ERO1A: variants seen among roughly 807,000 people sequenced by gnomAD.
ERO1A encodes endoplasmic reticulum oxidoreductase 1 alpha.
Under a neutral mutation model 76.9 loss-of-function variants are expected in ERO1A, and 49 were observed. The ratio of observed to expected loss-of-function variants is 0.64; its 90% confidence interval spans 0.51 to 0.81. The LOEUF (loss-of-function observed/expected upper bound fraction) is 0.81, where lower values mean the gene tolerates loss of function less well. Among genes scored for constraint, ERO1A ranks in the 30% least tolerant of loss-of-function variants. ERO1A has a pLI of 0.00. For synonymous variants in ERO1A, 174 were observed against 181.2 expected, an observed-to-expected ratio of 0.96 and a Z score of 0.32; for missense variants, 448 against 542.1, an observed-to-expected ratio of 0.83 and a Z score of 1.72.
At chr14:52,693,753 C>G (rs555055996) in intron 1 of ERO1A, among the ~76,000 whole-genome samples, 1 of 152,080 alleles carries the variant, frequency 6.6e-6, no homozygotes, top group South Asian at 2.1e-4. Flanking sequence ...CCACCTCAGC[C>G]TCCCAAAGTG....
intron 15 of ERO1A, among the ~76,000 whole-genome samples, chr14:52,644,111 G>A (rs2039563771): frequency 6.6e-6 from 1 of 152,128 alleles, no homozygotes; most frequent in Non-Finnish European, 1.5e-5. Flanking sequence ...CTGCACTCCA[G>A]CCTGGGCAAC....
intron 3 of ERO1A, among the ~76,000 whole-genome samples, chr14:52,680,082 C>CAAAAAAAA (rs35358193): frequency 4.4e-5 from 4 of 90,910 alleles, no homozygotes; most frequent in South Asian, 3.6e-4. Flanking sequence ...AAAACACAAA[C>CAAAAAAAA]AAAAAAAAAA....
At chr14:52,665,224 C>T (rs1484384289) in intron 7 of ERO1A, among the ~76,000 whole-genome samples, 1 of 150,574 alleles carries the variant, frequency 6.6e-6, no homozygotes, top group Non-Finnish European at 1.5e-5. Flanking sequence ...ATCGCTTGAA[C>T]CTGGGAGGCA....
At chr14:52,689,804 C>T (rs1017730521) in intron 1 of ERO1A, among the ~76,000 whole-genome samples, 3 of 152,100 alleles carry the variant, frequency 2.0e-5, no homozygotes, top group Non-Finnish European at 2.9e-5. Flanking sequence ...TTGGATGGAA[C>T]AGCAAAAGAC....
At chr14:52,668,088 G>A (rs2040472103) in intron 6 of ERO1A, among the ~76,000 whole-genome samples, 1 of 151,972 alleles carries the variant, frequency 6.6e-6, no homozygotes, top group Non-Finnish European at 1.5e-5. Context: ...TGCAGAAGTG[G>A]CAATTAAAAT....
intron 2 of ERO1A, among the ~76,000 whole-genome samples, chr14:52,683,072 G>C (rs1385078558): frequency 6.6e-6 from 1 of 152,144 alleles, no homozygotes; most frequent in African/African-American, 2.4e-5. Context: ...GCCAGGTGTG[G>C]TGGCAGGTGC....
rs751583463 is a variant in ERO1A at position 52,678,425 on chromosome 14, C to T, written c.357+9G>A. On this transcript the variant is annotated intron_variant, in intron 4 of 15. Transcript: ENST00000395686. ...GATACTGGACACATCAATAGGTATACGTACACACCTTGTAGCTCGCAGATT... is the reference window on the plus strand; with the variant it reads ...GATACTGGACACATCAATAGGTATATGTACACACCTTGTAGCTCGCAGATT... The T allele has an allele frequency of 1.4e-5, 23 of 1,611,730 alleles. No individual in the cohort carries two copies. Among genetic ancestry groups the T allele is most frequent in the East Asian group, 2.2e-5 (1 of 44,822 alleles).
chr14:52,690,552 C>G lies in ERO1A; in HGVS notation c.114+4816G>C, dbSNP rs141093949. ...GGTCAGGAGTTCAAAATCAGCCTGGCCAACAGGGCAAGGTGGCGGGTGCCT... is the reference window on the plus strand; with the variant it reads ...GGTCAGGAGTTCAAAATCAGCCTGGGCAACAGGGCAAGGTGGCGGGTGCCT... On this transcript the variant is annotated intron_variant, in intron 1 of 15. Transcript: ENST00000395686. Among the ~76,000 whole-genome samples the G allele has an allele frequency of 2.5e-3, 385 of 152,158 alleles. 2 individuals are homozygous for G. Among genetic ancestry groups the G allele is most frequent in the African/African-American group, 8.9e-3 (370 of 41,552 alleles).
Position 52,653,179 on chromosome 14 carries a change from TAAAGCC to T in ERO1A, c.939_944del (p.Ala314_Leu315del), listed in dbSNP as rs1303845932. The T allele has an allele frequency of 6.2e-7, 1 of 1,613,732 alleles. No individual in the cohort carries two copies. The highest frequency in any genetic ancestry group is 1.7e-5 in the Admixed American group (1 of 60,000). On this transcript the variant is annotated inframe_deletion, in exon 12 of 16. Transcript: ENST00000395686. Reference sequence around the variant, plus strand: ...GCTCGAAGAATGGTAACACTTTGGATAAAGCCCTTAGTTCTATTAAGTAGAGAAAAT... The same window carrying T: ...GCTCGAAGAATGGTAACACTTTGGATCTTAGTTCTATTAAGTAGAGAAAAT...
chr14:52,656,526 C>T (rs1423037926), intron 11 of ERO1A, among the ~76,000 whole-genome samples: 1 of 151,946 alleles, frequency 6.6e-6, no homozygotes, highest in Admixed American at 6.6e-5. Context: ...GCCTGGCCAA[C>T]ATGGTGAAAC....
At chr14:52,689,804 C>G (rs1017730521) in intron 1 of ERO1A, among the ~76,000 whole-genome samples, 12 of 152,218 alleles carry the variant, frequency 7.9e-5, no homozygotes, top group African/African-American at 2.6e-4. Context: ...TTGGATGGAA[C>G]AGCAAAAGAC....
chr14:52,645,601 T>C (rs959474637), intron 15 of ERO1A, among the ~76,000 whole-genome samples: 2 of 151,972 alleles, frequency 1.3e-5, no homozygotes, highest in East Asian at 1.9e-4. Flanking sequence ...ATTATGATTA[T>C]AAAAGTCAAT....
intron 8 of ERO1A, 159 bp downstream of exon 8, chr14:52,663,642 T>G (rs1309778047): frequency 2.2e-6 from 1 of 449,594 alleles, no homozygotes; most frequent in Non-Finnish European, 4.1e-6. Context: ...ACAAATAATT[T>G]AAGCACCAAT....
intron 1 of ERO1A, 51 bp from the exon 2 acceptor site, chr14:52,683,958 G>C (rs374288749): frequency 6.2e-6 from 9 of 1,455,966 alleles, no homozygotes; most frequent in Non-Finnish European, 7.4e-6. Context: ...AATGCAACAG[G>C]GTTCTTTTTC....
At chr14:52,645,805 A>C (rs2039629800) in intron 15 of ERO1A, among the ~76,000 whole-genome samples, 2 of 151,006 alleles carry the variant, frequency 1.3e-5, no homozygotes, top group African/African-American at 4.9e-5. Flanking sequence ...GGAGTTCAAG[A>C]CCAGCCTGGC....
At position 52,641,330 on chromosome 14, in the gene ERO1A, G is replaced by A. The variant is rs1354247696; in HGVS notation, c.*2240C>T. ...GCTAAAAAAAAAAGAGGCCGGGCGT[G>A]GTGGCTCACGCCTGTAATCCCAGCA... On this transcript the variant is annotated 3_prime_UTR_variant, in exon 16 of 16. Transcript: ENST00000395686. 1 of 151,702 alleles carries A rather than the reference G, an allele frequency of 6.6e-6. No individual in the cohort carries two copies. Among genetic ancestry groups the A allele is most frequent in the African/African-American group, 2.4e-5 (1 of 41,254 alleles). 9.4% of individuals were successfully genotyped at this position (151,702 alleles called of 1,614,324 possible).
chr14:52,676,284 G>A (rs1202006477), intron 4 of ERO1A, among the ~76,000 whole-genome samples: 1 of 152,134 alleles, frequency 6.6e-6, no homozygotes. Flanking sequence ...TAACTACACA[G>A]TTATCAATTT....
chr14:52,666,925 C>T (rs1049854148), intron 6 of ERO1A, among the ~76,000 whole-genome samples: 15 of 152,140 alleles, frequency 9.9e-5, no homozygotes, highest in South Asian at 2.1e-4. Flanking sequence ...AGCGAGACTC[C>T]GTCTCAGAAA....
chr14:52,657,703 C>A (rs1397913617), intron 11 of ERO1A, among the ~76,000 whole-genome samples: 1 of 152,154 alleles, frequency 6.6e-6, no homozygotes, highest in Non-Finnish European at 1.5e-5. Flanking sequence ...TTTTGAGCAG[C>A]TTCTTAAAAG....
Sources: allele counts gnomAD v4.1 joint callset (sites outside exome capture counted in the v4.1 genomes callset), GRCh38; gene constraint gnomAD v4.1.1; transcripts MANE v1.5; gene names NCBI Gene and HGNC (gene_info 2026-07-23, HGNC 2026-07-21).